Variants in KCNQ3 observed in about 807,000 individuals in gnomAD.
KCNQ3 encodes the protein potassium voltage-gated channel subfamily KQT member 3.
KCNQ3 carries 30 observed loss-of-function variants against 92.5 expected under a neutral mutation model. The ratio of observed to expected loss-of-function variants is 0.32; its 90% CI spans 0.24 to 0.44. KCNQ3 has a LOEUF of 0.44. Ranked by LOEUF, KCNQ3 falls within the 20% of genes least tolerant of loss-of-function variation. The pLI is 1.00. For synonymous variants in KCNQ3, 450 were observed against 468.8 expected (o/e 0.96, Z 0.52); for missense variants, 913 against 1,140.3 (o/e 0.80, Z 2.87).
At chr8:132,454,432 C>T (rs1821893792) in intron 1 of KCNQ3, among the ~76,000 whole-genome samples, 1 of 152,152 alleles carries the variant, frequency 6.6e-6, no homozygotes, top group Admixed American at 6.5e-5. Flanking sequence ...CAATGCTGTA[C>T]CAAGTGCTTT....
intron 1 of KCNQ3, among the ~76,000 whole-genome samples, chr8:132,260,062 T>A (rs1815726948): frequency 6.6e-6 from 1 of 152,200 alleles, no homozygotes; most frequent in Non-Finnish European, 1.5e-5. Context: ...ATTGTTAAGA[T>A]GAAACTACTT....
At chr8:132,386,077 T>C (rs903128368) in intron 1 of KCNQ3, among the ~76,000 whole-genome samples, 1 of 152,020 alleles carries the variant, frequency 6.6e-6, no homozygotes, top group South Asian at 2.1e-4. Context: ...AGGGATTGCT[T>C]ATGTGGTCTG....
chr8:132,284,532 G>A (rs1816624285), intron 1 of KCNQ3, among the ~76,000 whole-genome samples: 1 of 152,030 alleles, frequency 6.6e-6, no homozygotes, highest in Admixed American at 6.5e-5. Flanking sequence ...CCCATGGAGA[G>A]GAGGAAAGGG....
chr8:132,144,657 C>G (rs1825399532), intron 9 of KCNQ3, among the ~76,000 whole-genome samples: 1 of 152,170 alleles, frequency 6.6e-6, no homozygotes, highest in Non-Finnish European at 1.5e-5. Context: ...GTCCTGGGCT[C>G]CTCCTTCAGG....
chr8:132,323,107 GTTCACATTTTTAGGAGACCCTA>G (rs1817941936), intron 1 of KCNQ3, among the ~76,000 whole-genome samples: 1 of 152,196 alleles, frequency 6.6e-6, no homozygotes, highest in Admixed American at 6.5e-5. Context: ...AGGGAAGGCA[GTTCACATTTTTAGGAGACCCTA>G]TGCCAAGCAC....
At chr8:132,390,525 A>C (rs1442311106) in intron 1 of KCNQ3, among the ~76,000 whole-genome samples, 1 of 152,224 alleles carries the variant, frequency 6.6e-6, no homozygotes, top group Non-Finnish European at 1.5e-5. Flanking sequence ...CAGTGAAATC[A>C]GGATCTTTGA....
intron 12 of KCNQ3, among the ~76,000 whole-genome samples, chr8:132,136,812 A>T (rs572846404): frequency 1.3e-5 from 2 of 152,206 alleles, no homozygotes; most frequent in South Asian, 2.1e-4. Context: ...CATATAATTT[A>T]AAAAATCTCA....
chr8:132,378,664 T>C (rs751598805), intron 1 of KCNQ3, among the ~76,000 whole-genome samples: 2 of 152,212 alleles, frequency 1.3e-5, no homozygotes, highest in Non-Finnish European at 2.9e-5. Context: ...CCATGTGCTT[T>C]AAATGAGGTC....
chr8:132,308,146 C>T (rs1817486663), intron 1 of KCNQ3, among the ~76,000 whole-genome samples: 1 of 152,180 alleles, frequency 6.6e-6, no homozygotes, highest in Non-Finnish European at 1.5e-5. Context: ...ACGGCAGAAG[C>T]CTTCCCAGGT....
chr8:132,195,213 A>G (rs1827269429), intron 1 of KCNQ3, among the ~76,000 whole-genome samples: 1 of 152,256 alleles, frequency 6.6e-6, no homozygotes, highest in Admixed American at 6.5e-5. Flanking sequence ...GGCACTATAA[A>G]CCATGTTGGC....
chr8:132,353,321 G>C (rs1818930096), intron 1 of KCNQ3, among the ~76,000 whole-genome samples: 1 of 152,072 alleles, frequency 6.6e-6, no homozygotes, highest in South Asian at 2.1e-4. Flanking sequence ...GAAAGGAAGG[G>C]AAGGAAGGGG....
chr8:132,314,443 T>C (rs1817682282), intron 1 of KCNQ3, among the ~76,000 whole-genome samples: 1 of 152,140 alleles, frequency 6.6e-6, no homozygotes, highest in South Asian at 2.1e-4. Flanking sequence ...AACCCAAAGA[T>C]TTTGGTGAAG....
At chr8:132,170,292 T>C in intron 8 of KCNQ3, 42 bp downstream of exon 8, 1 of 1,406,456 alleles carries the variant, frequency 7.1e-7, no homozygotes, top group Non-Finnish European at 1.0e-6. Flanking sequence ...GCAGGAGAGA[T>C]GGCTGGTCAC....
intron 1 of KCNQ3, among the ~76,000 whole-genome samples, chr8:132,449,370 C>T (rs1182666019): frequency 6.6e-6 from 1 of 151,906 alleles, no homozygotes; most frequent in Non-Finnish European, 1.5e-5. Flanking sequence ...TCACTGTAGA[C>T]CACTGTGGTC....
intron 1 of KCNQ3, among the ~76,000 whole-genome samples, chr8:132,218,567 C>T (rs998555100): frequency 6.6e-6 from 1 of 152,138 alleles, no homozygotes; most frequent in Non-Finnish European, 1.5e-5. Flanking sequence ...TTAACCCTCA[C>T]AAATACCTGG....
At chr8:132,250,464 C>T (rs1291149653) in intron 1 of KCNQ3, among the ~76,000 whole-genome samples, 2 of 152,048 alleles carry the variant, frequency 1.3e-5, no homozygotes, top group Non-Finnish European at 2.9e-5. Flanking sequence ...AATAGTGTGT[C>T]GTTATTATTT....
chr8:132,242,278 C>A (rs575605255), intron 1 of KCNQ3, among the ~76,000 whole-genome samples: 1 of 152,208 alleles, frequency 6.6e-6, no homozygotes, highest in South Asian at 2.1e-4. Flanking sequence ...GGACACTGTG[C>A]AGGGAATTAT....
chr8:132,180,485 A>G (rs140776258), intron 3 of KCNQ3, among the ~76,000 whole-genome samples, 156 bp from the exon 4 acceptor site: 2 of 152,356 alleles, frequency 1.3e-5, no homozygotes, highest in East Asian at 1.9e-4. Context: ...CCAACAACAC[A>G]TGGTAAGTGG....
intron 1 of KCNQ3, among the ~76,000 whole-genome samples, chr8:132,416,365 T>C (rs983389724): frequency 2.0e-5 from 3 of 152,160 alleles, no homozygotes; most frequent in African/African-American, 4.8e-5. Flanking sequence ...CAGTGGCTCA[T>C]ACCTGTAATC....
Sources: gnomAD v4.1 joint callset for allele counts (sites outside exome capture counted in the v4.1 genomes callset) on GRCh38, gnomAD v4.1.1 for gene constraint, MANE v1.5 for transcripts, NCBI Gene and HGNC (gene_info 2026-07-23, HGNC 2026-07-21) for gene names.